Variants in NRG3 observed in about 807,000 individuals in gnomAD.
NRG3 encodes pro-neuregulin-3, membrane-bound isoform.
NRG3 carries 31 observed loss-of-function variants against 66.9 expected under a neutral mutation model. The observed-to-expected ratio is 0.46, with a 90% CI of 0.35 to 0.63. NRG3 has a LOEUF of 0.63. NRG3 is among the 20% of genes least tolerant of loss of function. The pLI, the probability that NRG3 is intolerant of heterozygous loss-of-function variation, is 0.00. For missense variants in NRG3, 910 were observed against 878.9 expected (o/e 1.04, Z -0.45); for synonymous variants, 393 against 359.4 (o/e 1.09, Z -1.06).
intron 2 of NRG3, among the ~76,000 whole-genome samples, chr10:82,509,833 C>T (rs1398249672): frequency 6.6e-6 from 1 of 152,188 alleles, no homozygotes; most frequent in Admixed American, 6.5e-5. Flanking sequence ...AACCTCCTGT[C>T]ACCTTTCTTA....
intron 2 of NRG3, among the ~76,000 whole-genome samples, chr10:82,735,008 AAAAAAAAAAG>A (rs1295542322): frequency 6.6e-6 from 1 of 150,730 alleles, no homozygotes; most frequent in Non-Finnish European, 1.5e-5. Context: ...CTCTGCCTCA[AAAAAAAAAAG>A]AAAAAAAAAA....
chr10:82,192,974 A>T (rs1589267946), intron 1 of NRG3, among the ~76,000 whole-genome samples: 4 of 6,232 alleles, frequency 6.4e-4, no homozygotes, highest in African/African-American at 4.5e-4. Context: ...GAAGAAAGTG[A>T]GAGAGAGAGA....
chr10:82,325,059 T>G (rs1389092937), intron 1 of NRG3, among the ~76,000 whole-genome samples: 3 of 152,210 alleles, frequency 2.0e-5, no homozygotes, highest in African/African-American at 7.2e-5. Flanking sequence ...GTTCTATTGA[T>G]TTTTGCTTCA....
intron 1 of NRG3, among the ~76,000 whole-genome samples, chr10:81,931,473 C>T (rs1025077456): frequency 6.6e-6 from 1 of 152,178 alleles, no homozygotes; most frequent in Non-Finnish European, 1.5e-5. Context: ...AATCCCTGGG[C>T]TCTAGAACAA....
At chr10:82,261,185 G>A (rs548739153) in intron 1 of NRG3, among the ~76,000 whole-genome samples, 1 of 152,204 alleles carries the variant, frequency 6.6e-6, no homozygotes, top group South Asian at 2.1e-4. Flanking sequence ...GGAGGTAATT[G>A]AATCATGGGG....
At chr10:82,471,548 T>C (rs534343311) in intron 2 of NRG3, among the ~76,000 whole-genome samples, 25 of 152,342 alleles carry the variant, frequency 1.6e-4, no homozygotes, top group African/African-American at 5.5e-4. Flanking sequence ...CCTATAGGCT[T>C]ACTTTTTCTC....
At chr10:82,924,313 A>C (rs1483528602) in intron 4 of NRG3, among the ~76,000 whole-genome samples, 1 of 152,054 alleles carries the variant, frequency 6.6e-6, no homozygotes, top group Non-Finnish European at 1.5e-5. Context: ...TGTTCAATGA[A>C]TCAATCGCCT....
chr10:82,163,095 C>G (rs1344139879), intron 1 of NRG3, among the ~76,000 whole-genome samples: 1 of 152,110 alleles, frequency 6.6e-6, no homozygotes, highest in African/African-American at 2.4e-5. Flanking sequence ...GGCCACTTTG[C>G]TCTCCCTGGT....
intron 2 of NRG3, among the ~76,000 whole-genome samples, chr10:82,512,818 G>A (rs1474070950): frequency 6.6e-6 from 1 of 152,000 alleles, no homozygotes; most frequent in Non-Finnish European, 1.5e-5. Context: ...TGAAACTGTA[G>A]TATATTCCTT....
At chr10:82,100,977 G>A (rs2066694208) in intron 1 of NRG3, among the ~76,000 whole-genome samples, 1 of 151,966 alleles carries the variant, frequency 6.6e-6, no homozygotes, top group Non-Finnish European at 1.5e-5. Context: ...GAGGTCTGGA[G>A]TTTTATTTGT....
intron 1 of NRG3, among the ~76,000 whole-genome samples, chr10:81,984,026 A>T (rs1404464799): frequency 6.6e-6 from 1 of 152,196 alleles, no homozygotes; most frequent in African/African-American, 2.4e-5. Flanking sequence ...ATGGAAGCAG[A>T]GATAGGAATG....
chr10:82,270,757 TATC>T (rs1197618934), intron 1 of NRG3, among the ~76,000 whole-genome samples: 4 of 152,046 alleles, frequency 2.6e-5, no homozygotes, highest in African/African-American at 7.2e-5. Context: ...TCACAAATAA[TATC>T]ATGGCCAGTG....
chr10:81,986,244 A>G (rs2060514243), intron 1 of NRG3, among the ~76,000 whole-genome samples: 1 of 152,190 alleles, frequency 6.6e-6, no homozygotes, highest in Non-Finnish European at 1.5e-5. Context: ...ACATTACCAA[A>G]TTTGTAACTG....
intron 2 of NRG3, among the ~76,000 whole-genome samples, chr10:82,404,269 C>G (rs1209781864): frequency 6.6e-6 from 1 of 152,110 alleles, no homozygotes; most frequent in Non-Finnish European, 1.5e-5. Flanking sequence ...TTTCTTGGTA[C>G]TCATTGGACT....
At chr10:82,340,262 C>T (rs2082616299) in intron 1 of NRG3, among the ~76,000 whole-genome samples, 1 of 152,170 alleles carries the variant, frequency 6.6e-6, no homozygotes, top group Non-Finnish European at 1.5e-5. Flanking sequence ...GTTCCCACCT[C>T]AACCCACTCT....
intron 1 of NRG3, among the ~76,000 whole-genome samples, chr10:82,330,210 C>T (rs1174054358): frequency 6.6e-6 from 1 of 152,010 alleles, no homozygotes; most frequent in Non-Finnish European, 1.5e-5. Context: ...GGAAATGATA[C>T]CTGTAAAAGA....
chr10:82,630,468 C>A (rs2133715767), intron 2 of NRG3, among the ~76,000 whole-genome samples: 1 of 150,740 alleles, frequency 6.6e-6, no homozygotes, highest in Admixed American at 6.6e-5. Flanking sequence ...CTAAACAGAG[C>A]TACTGTTTAT....
chr10:82,393,801 T>C (rs1183921453), intron 2 of NRG3, among the ~76,000 whole-genome samples: 1 of 152,162 alleles, frequency 6.6e-6, no homozygotes, highest in Non-Finnish European at 1.5e-5. Flanking sequence ...AATAATGGAA[T>C]GGTCATCAGC....
At chr10:82,019,038 T>A (rs1398154431) in intron 1 of NRG3, among the ~76,000 whole-genome samples, 1 of 152,164 alleles carries the variant, frequency 6.6e-6, no homozygotes, top group East Asian at 1.9e-4. Context: ...ATGCTTCCAG[T>A]TTTTGCCCAT....
Sources: allele counts gnomAD v4.1 joint callset (sites outside exome capture counted in the v4.1 genomes callset), GRCh38; gene constraint gnomAD v4.1.1; transcripts MANE v1.5; gene names NCBI Gene and HGNC (gene_info 2026-07-23, HGNC 2026-07-21).